Variants in RIPOR3 observed in about 807,000 individuals in gnomAD.
RIPOR3 encodes family with sequence similarity 65 member C.
In RIPOR3, 95 loss-of-function variants were observed where a neutral mutation model predicts 114.3. The observed-to-expected ratio is 0.83, with a 90% CI of 0.70 to 0.99. The LOEUF (loss-of-function observed/expected upper bound fraction) is 0.99. Ranked by LOEUF, RIPOR3 falls within the 50% of genes least tolerant of loss-of-function variation. RIPOR3 has a pLI of 0.00. For synonymous variants in RIPOR3, 575 were observed against 543.8 expected, an observed-to-expected ratio of 1.06 and a Z score of -0.80; for missense variants, 1,252 against 1,266.9, an observed-to-expected ratio of 0.99 and a Z score of 0.18.
chr20:50,641,492 C>T (rs1453641934), intron 1 of RIPOR3, among the ~76,000 whole-genome samples: 4 of 152,212 alleles, frequency 2.6e-5, no homozygotes, highest in Non-Finnish European at 5.9e-5. Context: ...AAGCAGTCCT[C>T]CCACCTCAGC....
chr20:50,644,849 T>A lies in RIPOR3; in HGVS notation c.4-13993A>T, dbSNP rs112928413. 3.4e-3 allele frequency among the ~76,000 whole-genome samples: 519 copies of A among 150,544 alleles called. 4 individuals are homozygous for A. Among genetic ancestry groups the A allele is most frequent in the African/African-American group, 0.012 (488 of 41,072 alleles). Reference sequence around the variant, plus strand: ...TTATTTATTTTTTATTTTTTATTTTTTTTTTTTGAGACGGAGTTTCGCTCT... The same window carrying A: ...TTATTTATTTTTTATTTTTTATTTTATTTTTTTGAGACGGAGTTTCGCTCT... On this transcript the variant is annotated intron_variant, in intron 1 of 21. Transcript: ENST00000327979.
chr20:50,649,495 G>A lies in RIPOR3; in HGVS notation c.4-18639C>T, dbSNP rs115072742. Among the ~76,000 whole-genome samples, 336 of 152,256 alleles carry A rather than the reference G, an allele frequency of 2.2e-3. 1 individual carries two copies. The highest frequency in any genetic ancestry group is 7.7e-3 in the African/African-American group (321 of 41,544). On this transcript the variant is annotated intron_variant, in intron 1 of 21. Coordinates refer to ENST00000327979, the MANE Select transcript of RIPOR3 (RefSeq NM_001290268.2). ...AAGGATGCCTGGCACACTCAGAGGT[G>A]GGACAATGGTGACAGTCCTGACACT...
At chr20:50,648,668 C>T (rs926381311) in intron 1 of RIPOR3, among the ~76,000 whole-genome samples, 2 of 151,960 alleles carry the variant, frequency 1.3e-5, no homozygotes, top group African/African-American at 4.8e-5. Flanking sequence ...AGCTTGTTTT[C>T]CTGCAACTAG....
rs1488415844 is a variant in RIPOR3, at chr20:50,663,188, G to A, written c.3+27938C>T. Among the ~76,000 whole-genome samples the A allele has an allele frequency of 3.3e-5, 5 of 151,422 alleles. No homozygotes were observed. The South Asian group carries it at 1.0e-3, about 32-fold the overall frequency. On this transcript the variant is annotated intron_variant, in intron 1 of 21. Coordinates refer to ENST00000327979, the MANE Select transcript of RIPOR3 (RefSeq NM_001290268.2). ...TGAGTGAGTCACACAGGTATTCACT[G>A]ACGTGATTCTGCCTCCAAGGCCACA...
At position 50,638,782 on chromosome 20, in the gene RIPOR3, T is replaced by C. The variant is rs6020656; in HGVS notation, c.4-7926A>G. ...TTGGGAATCCCATCTCAAACGTGCC[T>C]CACCCTGGTCTCCAGCTGTAGGAGC... On this transcript the variant is annotated intron_variant, in intron 1 of 21. Transcript: ENST00000327979. Among the ~76,000 whole-genome samples the C allele has an allele frequency of 2.3e-3, 350 of 152,082 alleles. 2 individuals carry two copies. Among genetic ancestry groups the C allele is most frequent in the Non-Finnish European group, 3.1e-3 (214 of 67,976 alleles).
At chr20:50,593,473 A>G (rs1035485287) in intron 17 of RIPOR3, among the ~76,000 whole-genome samples, 6 of 152,112 alleles carry the variant, frequency 3.9e-5, no homozygotes, top group Non-Finnish European at 8.8e-5. Flanking sequence ...CTGGAGGCTG[A>G]GGCAGGAGAA....
chr20:50,673,045 G>A (rs917407287), intron 1 of RIPOR3, among the ~76,000 whole-genome samples: 2 of 152,232 alleles, frequency 1.3e-5, no homozygotes, highest in African/African-American at 4.8e-5. Flanking sequence ...CTGGACCGGT[G>A]GATGTCCCCA....
chr20:50,617,628 C>CA (rs2084226581), intron 3 of RIPOR3, among the ~76,000 whole-genome samples: 1 of 110,442 alleles, frequency 9.1e-6, no homozygotes, highest in Admixed American at 9.4e-5. Context: ...GGTGGTTTCC[C>CA]TTTTTTTTTT....
chr20:50,595,063 C>T, intron 16 of RIPOR3: 1 of 490,140 alleles, frequency 2.0e-6, no homozygotes, highest in Non-Finnish European at 3.7e-6. Flanking sequence ...TGAATGTGGC[C>T]TGGGGTTACC....
chr20:50,641,281 C>G (rs2085184796), intron 1 of RIPOR3, among the ~76,000 whole-genome samples: 1 of 152,088 alleles, frequency 6.6e-6, no homozygotes. Context: ...GTGGTGGGAT[C>G]ACAGCTCACT....
chr20:50,588,256 G>A (rs1342176167), intron 20 of RIPOR3, among the ~76,000 whole-genome samples: 2 of 152,196 alleles, frequency 1.3e-5, no homozygotes, highest in Non-Finnish European at 2.9e-5. Flanking sequence ...CCAGTACTTC[G>A]CCCAACTCAG....
At chr20:50,681,597 G>A (rs1352287318) in intron 1 of RIPOR3, among the ~76,000 whole-genome samples, 2 of 152,156 alleles carry the variant, frequency 1.3e-5, no homozygotes, top group East Asian at 1.9e-4. Context: ...GGCTTCTAAG[G>A]GCACCTCCAT....
intron 1 of RIPOR3, among the ~76,000 whole-genome samples, chr20:50,679,601 C>CAT (rs763146871): frequency 1.7e-5 from 2 of 120,632 alleles, no homozygotes; most frequent in Admixed American, 1.8e-4. Context: ...ACTAAAAATA[C>CAT]AAAAAAAAAA....
intron 11 of RIPOR3, among the ~76,000 whole-genome samples, chr20:50,607,087 C>T (rs935572595): frequency 3.3e-5 from 5 of 152,190 alleles, no homozygotes; most frequent in South Asian, 2.1e-4. Context: ...TTCCCCTGCT[C>T]CTTTTCTGCA....
chr20:50,673,108 G>A (rs1391186345), intron 1 of RIPOR3, among the ~76,000 whole-genome samples: 3 of 150,370 alleles, frequency 2.0e-5, no homozygotes, highest in Non-Finnish European at 4.4e-5. Flanking sequence ...CAGAGGGCAA[G>A]GTAAGTCTTG....
intron 2 of RIPOR3, among the ~76,000 whole-genome samples, chr20:50,630,214 C>T (rs1318534085): frequency 2.0e-5 from 3 of 152,134 alleles, no homozygotes; most frequent in Non-Finnish European, 4.4e-5. Flanking sequence ...GTGATCCGCC[C>T]GCCTTGGACT....
chr20:50,625,837 T>G (rs887909896), intron 2 of RIPOR3, among the ~76,000 whole-genome samples: 1 of 152,112 alleles, frequency 6.6e-6, no homozygotes, highest in Non-Finnish European at 1.5e-5. Flanking sequence ...ACCCCCCAGG[T>G]CCAGCTCTTG....
intron 1 of RIPOR3, among the ~76,000 whole-genome samples, chr20:50,666,308 T>G (rs993376548): frequency 1.3e-5 from 2 of 150,098 alleles, no homozygotes; most frequent in African/African-American, 4.9e-5. Context: ...CACCGCAATC[T>G]CCGTCTCCCG....
At chr20:50,589,307 C>CTT (rs1241590522) in intron 20 of RIPOR3, among the ~76,000 whole-genome samples, 45 of 137,700 alleles carry the variant, frequency 3.3e-4, no homozygotes, top group East Asian at 8.4e-4. Context: ...TATTTTGTAA[C>CTT]TTTTTTTTTT....
Sources: allele counts gnomAD v4.1 joint callset (sites outside exome capture counted in the v4.1 genomes callset), GRCh38; gene constraint gnomAD v4.1.1; transcripts MANE v1.5; gene names NCBI Gene and HGNC (gene_info 2026-07-23, HGNC 2026-07-21).